APBA3: variants seen among roughly 807,000 people sequenced by gnomAD.
The protein encoded by APBA3 is amyloid-beta A4 precursor protein-binding family A member 3.
APBA3 carries 45 observed loss-of-function variants against 55.9 expected under a neutral mutation model. That is an observed-to-expected ratio of 0.80 (90% CI 0.63 to 1.03). The LOEUF (loss-of-function observed/expected upper bound fraction) is 1.03. APBA3 is among the 50% of genes least tolerant of loss of function. The pLI is 0.00. For synonymous variants in APBA3, 370 were observed against 353.3 expected, an observed-to-expected ratio of 1.05 and a Z score of -0.53; for missense variants, 865 against 820.3, an observed-to-expected ratio of 1.05 and a Z score of -0.67.
In APBA3 at chr19:3,751,246, A is replaced by G; in HGVS notation, c.1599T>C (p.Ser533=). Residue 533 remains serine (S), a synonymous_variant, in exon 10 of 11, where the codon AGT becomes AGC. Coordinates refer to ENST00000316757, the MANE Select transcript of APBA3 (RefSeq NM_004886.4). ...TGCGGGCGTGTGGCGTGGCCACCAC[A>G]CTCTGCCCATTGATCTCAATGATGC... ...GHRIIEINGQ[S]VVATPHARII... 1 of 1,547,146 alleles carries G rather than the reference A, an allele frequency of 6.5e-7. No individual in the cohort carries two copies. The highest frequency in any genetic ancestry group is 8.7e-7 in the Non-Finnish European group (1 of 1,148,002).
Position 3,757,812 on chromosome 19 carries a change from A to T in APBA3, c.616+1749T>A, listed in dbSNP as rs377040774. 5.3e-5 allele frequency among the ~76,000 whole-genome samples: 8 copies of T among 152,346 alleles called. No homozygotes were observed. The East Asian group carries it at 9.6e-4, about 18-fold the overall frequency. On this transcript the variant is annotated intron_variant, in intron 3 of 10. Coordinates refer to ENST00000316757, the MANE Select transcript of APBA3 (RefSeq NM_004886.4). ...AAAGAGTAAATATTTTCAGCCTTGT[A>T]GGTCACAAGGTATCTGCTGCAGCTA...
chr19:3,754,924 C>T (rs1343369466), intron 3 of APBA3: 1 of 152,130 alleles, frequency 6.6e-6, no homozygotes, highest in Non-Finnish European at 1.5e-5. Flanking sequence ...GCCTTGGCCT[C>T]CTAAAGTACT....
In APBA3 at chr19:3,760,181, C is replaced by T. The variant is rs373018519; in HGVS notation, c.84G>A (p.Ser28=). The T allele has an allele frequency of 2.6e-5, 42 of 1,612,964 alleles. No individual in the cohort carries two copies. The highest frequency in any genetic ancestry group is 9.3e-5 in the African/African-American group (7 of 74,938). ...LEGPRDILVP[S]EDLTPDSQWD... Reference sequence around the variant, plus strand: ...ACTGGCTGTCAGGGGTGAGGTCCTCCGAAGGCACAAGAATGTCCCTGGGCC... The same window carrying T: ...ACTGGCTGTCAGGGGTGAGGTCCTCTGAAGGCACAAGAATGTCCCTGGGCC... Residue 28 remains serine (S), a synonymous_variant, in exon 2 of 11, where the codon TCG becomes TCA. Transcript: ENST00000316757.
chr19:3,758,022 C>G (rs747378260), intron 3 of APBA3, among the ~76,000 whole-genome samples: 5 of 152,144 alleles, frequency 3.3e-5, no homozygotes, highest in Non-Finnish European at 7.3e-5. Flanking sequence ...GCAACCTCCG[C>G]CTCCCGGGTT....
At position 3,750,925 on chromosome 19, in the gene APBA3, G is replaced by C; in HGVS notation, c.*101C>G. ...TGTTTTTATATTAGGAAATCATACA[G>C]GACCAAGAACCGCTGGGGTCCTGGC... is the stretch of plus-strand genomic sequence containing the variant. On this transcript the variant is annotated 3_prime_UTR_variant, in exon 11 of 11. Coordinates refer to ENST00000316757, the MANE Select transcript of APBA3 (RefSeq NM_004886.4). 7.5e-7 allele frequency: 1 copy of C among 1,329,060 alleles called. No homozygotes were observed. The allele number at this position is 1,329,060 out of a possible 1,614,324, so 82.3% of individuals were successfully genotyped here.
Position 3,753,568 on chromosome 19 carries a change from C to T in APBA3, c.1011+197G>A, listed in dbSNP as rs2037036668. ...GGCTGAAGTGGGAGGATCGCTTGAGCCTGGAAGGTTGAGGCTGCAGTGAAC... is the reference window on the plus strand; with the variant it reads ...GGCTGAAGTGGGAGGATCGCTTGAGTCTGGAAGGTTGAGGCTGCAGTGAAC... On this transcript the variant is annotated intron_variant, in intron 6 of 10. Coordinates refer to ENST00000316757, the MANE Select transcript of APBA3 (RefSeq NM_004886.4). 3 of 556,512 alleles carry T rather than the reference C, an allele frequency of 5.4e-6. No homozygotes were observed. The East Asian group carries it at 9.1e-5, about 17-fold the overall frequency. 34.5% of individuals were successfully genotyped at this position (556,512 alleles called of 1,614,324 possible).
In APBA3 at chr19:3,752,885, G is replaced by A; in HGVS notation, c.1117C>T (p.Pro373Ser). 6.2e-7 allele frequency: 1 copy of A among 1,613,338 alleles called. No homozygotes were observed. The highest frequency in any genetic ancestry group is 8.5e-7 in the Non-Finnish European group (1 of 1,179,902). The change falls in exon 7 of 11, where the codon CCA becomes TCA. Residue 373 changes from proline to serine, a missense_variant. Coordinates refer to ENST00000316757, the MANE Select transcript of APBA3 (RefSeq NM_004886.4). ...CCATTATGGAGGTGGCAGGCGCCTG[G>A]GCTCGGGTGCACGCCCACCTGGCTG... is the stretch of plus-strand genomic sequence containing the variant. ...DPSQVGVHPS[P>S]GACHLHNGDL...
In APBA3 at chr19:3,759,602, T is replaced by A; in HGVS notation, c.577-2A>T. The A allele has an allele frequency of 6.2e-7, 1 of 1,600,356 alleles. No individual in the cohort carries two copies. Among genetic ancestry groups the A allele is most frequent in the Non-Finnish European group, 8.5e-7 (1 of 1,175,056 alleles). On this transcript the variant is annotated splice_acceptor_variant, in intron 2 of 10. Transcript: ENST00000316757. LOFTEE classifies it high-confidence loss of function. ...GTAGGAAGCCAGGGTCTCGGGGCTC[T>A]GGAAGAAGATAGAGGAGGGGCAGGA...
intron 1 of APBA3, among the ~76,000 whole-genome samples, chr19:3,760,690 A>C (rs905061238): frequency 6.7e-6 from 1 of 150,322 alleles, no homozygotes; most frequent in Admixed American, 6.7e-5. Context: ...CGGAGGTTGC[A>C]GTGAGCTGAG....
chr19:3,753,044 C>T lies in APBA3; in HGVS notation c.1012-54G>A. 3 of 1,586,756 alleles carry T rather than the reference C, an allele frequency of 1.9e-6. No individual in the cohort carries two copies. The South Asian group carries it at 3.4e-5, about 18-fold the overall frequency. ...GTGTCCCACCCACCTCCTCCAGGTCCCCAAAGTCCCCAGGGTCCTCAGAGC... is the reference window on the plus strand; with the variant it reads ...GTGTCCCACCCACCTCCTCCAGGTCTCCAAAGTCCCCAGGGTCCTCAGAGC... On this transcript the variant is annotated intron_variant, in intron 6 of 10. Transcript: ENST00000316757.
rs188571928 is a variant in APBA3 at position 3,750,979 on chromosome 19, C to T, written c.*47G>A. 5.6e-5 allele frequency: 86 copies of T among 1,540,450 alleles called. No homozygotes were observed. Among genetic ancestry groups the T allele is most frequent in the East Asian group, 1.2e-4 (5 of 40,938 alleles). On this transcript the variant is annotated 3_prime_UTR_variant, in exon 11 of 11. Transcript: ENST00000316757. ...CCAGGGCAGGCCCAGGATGGGGCTC[C>T]GGGGCCATGGAGGCGAAGGCACAGT... is the stretch of plus-strand genomic sequence containing the variant.
intron 8 of APBA3, among the ~76,000 whole-genome samples, chr19:3,752,107 G>C (rs1271063669): frequency 6.6e-6 from 1 of 152,168 alleles, no homozygotes; most frequent in African/African-American, 2.4e-5. Flanking sequence ...CCAGCTACTC[G>C]GGAGGCTGAG....
At chr19:3,753,446 C>T (rs1368302578) in intron 6 of APBA3, 13 of 363,412 alleles carry the variant, frequency 3.6e-5, no homozygotes, top group South Asian at 1.1e-4. Context: ...AGTTTGAGAC[C>T]GTGTTCACCT....
chr19:3,751,118 G>T, intron 10 of APBA3, 21 bp from the exon 11 acceptor site: 1 of 1,563,320 alleles, frequency 6.4e-7, no homozygotes, highest in South Asian at 1.2e-5. Flanking sequence ...GAGGCGGAAC[G>T]GGGCTCAGGG....
At chr19:3,754,452 T>A in intron 3 of APBA3, 112 bp from the exon 4 acceptor site, 1 of 1,400,368 alleles carries the variant, frequency 7.1e-7, no homozygotes, top group Non-Finnish European at 9.6e-7. Flanking sequence ...GCTGGTGGCT[T>A]AGCACTCTCC....
intron 3 of APBA3, among the ~76,000 whole-genome samples, chr19:3,757,175 C>G (rs1879198779): frequency 6.6e-6 from 1 of 151,776 alleles, no homozygotes; most frequent in Non-Finnish European, 1.5e-5. Context: ...TGCAGTGGCA[C>G]AATCTTAGCT....
intron 8 of APBA3, chr19:3,751,801 C>T: frequency 1.9e-6 from 1 of 530,380 alleles, no homozygotes; most frequent in East Asian, 3.3e-5. Context: ...GCTCTCCAGG[C>T]AGGCTGCAAA....
chr19:3,752,209 C>T (rs2037014881), intron 8 of APBA3, among the ~76,000 whole-genome samples: 1 of 152,088 alleles, frequency 6.6e-6, no homozygotes, highest in Non-Finnish European at 1.5e-5. Context: ...GACCTTGTCT[C>T]AAACAAACAA....
Position 3,759,914 on chromosome 19 carries a change from G to A in APBA3, c.351C>T (p.His117=). 6.2e-7 allele frequency: 1 copy of A among 1,611,616 alleles called. No homozygotes were observed. Among genetic ancestry groups the A allele is most frequent in the Middle Eastern group, 1.7e-4 (1 of 6,054 alleles). Residue 117 remains histidine (H), a synonymous_variant, in exon 2 of 11, where the codon CAC becomes CAT. Transcript: ENST00000316757. ...TCTGGGAAGGCGGGCATTCCTCGCA[G>A]TGCAAGAGGCCCAGCAGGTCATCCC... The part of the protein sequence containing the change: ...AGRDDLLGLL[H]CEECPPSQTG...
Sources: gnomAD v4.1 joint callset for allele counts (sites outside exome capture counted in the v4.1 genomes callset) on GRCh38, gnomAD v4.1.1 for gene constraint, MANE v1.5 for transcripts, NCBI Gene and HGNC (gene_info 2026-07-23, HGNC 2026-07-21) for gene names.